ERBB4: variants seen among roughly 807,000 people sequenced by gnomAD.
ERBB4 encodes the protein receptor tyrosine-protein kinase erbB-4.
In ERBB4, 42 loss-of-function variants were observed where a neutral mutation model predicts 158.0. That is an observed-to-expected ratio of 0.27 (90% confidence interval 0.21 to 0.34). The LOEUF is 0.34. Ranked by LOEUF, ERBB4 falls within the 10% of genes least tolerant of loss-of-function variation. The pLI is 1.00. For synonymous variants in ERBB4, 583 were observed against 558.7 expected (o/e 1.04, Z -0.61); for missense variants, 1,333 against 1,624.1 (o/e 0.82, Z 3.08).
At chr2:212,344,470 G>GTA (rs916691987) in intron 1 of ERBB4, among the ~76,000 whole-genome samples, 1 of 129,362 alleles carries the variant, frequency 7.7e-6, no homozygotes, top group African/African-American at 3.3e-5. Flanking sequence ...ATATGTGTGT[G>GTA]TATATATGTG....
intron 3 of ERBB4, among the ~76,000 whole-genome samples, chr2:211,883,730 T>C (rs1214398331): frequency 6.6e-6 from 1 of 152,086 alleles, no homozygotes; most frequent in African/African-American, 2.4e-5. Context: ...AGGTGGAGGT[T>C]GTAGTGAGGC....
intron 1 of ERBB4, among the ~76,000 whole-genome samples, chr2:212,282,213 A>G (rs552979102): frequency 1.3e-4 from 20 of 151,972 alleles, no homozygotes; most frequent in African/African-American, 4.1e-4. Context: ...CACCACAGGG[A>G]TATGTATTTT....
chr2:211,586,324 AAGAAGT>A (rs2068276821), intron 19 of ERBB4, among the ~76,000 whole-genome samples: 1 of 152,190 alleles, frequency 6.6e-6, no homozygotes, highest in Non-Finnish European at 1.5e-5. Context: ...TATAGAACTT[AAGAAGT>A]GAAAGTCAAC....
chr2:212,113,496 C>A (rs568522593), intron 2 of ERBB4, among the ~76,000 whole-genome samples: 1 of 147,506 alleles, frequency 6.8e-6, no homozygotes, highest in African/African-American at 2.5e-5. Context: ...ATGGTGTGAA[C>A]CCGGGAGGCG....
chr2:212,382,283 TACACATGTATACATATTCATATTATAC>T (rs1471194810), intron 1 of ERBB4, among the ~76,000 whole-genome samples: 2 of 150,158 alleles, frequency 1.3e-5, no homozygotes, highest in African/African-American at 4.9e-5. Context: ...CATATATTCA[TACACATGTATACATATTCATATTATAC>T]ACACATGTAT....
intron 2 of ERBB4, among the ~76,000 whole-genome samples, chr2:211,964,956 A>G (rs749937442): frequency 3.9e-5 from 6 of 152,146 alleles, no homozygotes; most frequent in Admixed American, 1.3e-4. Context: ...ATAAAATTTA[A>G]TGTTATTATT....
rs541639803 is a variant in ERBB4, at chr2:211,948,785, C to A, written c.235-1169G>T. On this transcript the variant is annotated intron_variant, in intron 2 of 27. Transcript: ENST00000342788. ...CAAGGCTGTTTTTGGTACTTCCCCCCACCCTGTCTATTCTCACTCCCTTGG... is the reference window on the plus strand; with the variant it reads ...CAAGGCTGTTTTTGGTACTTCCCCCAACCCTGTCTATTCTCACTCCCTTGG... 3.3e-5 allele frequency among the ~76,000 whole-genome samples: 5 copies of A among 152,222 alleles called. No homozygotes were observed. The East Asian group carries it at 9.7e-4, about 30-fold the overall frequency.
chr2:211,480,709 G>C (rs74539339), intron 20 of ERBB4, among the ~76,000 whole-genome samples: 2 of 152,108 alleles, frequency 1.3e-5, no homozygotes, highest in African/African-American at 4.8e-5. Flanking sequence ...TATCTACCTG[G>C]TGAAATACTT....
intron 1 of ERBB4, among the ~76,000 whole-genome samples, chr2:212,396,653 T>C (rs920329190): frequency 5.9e-5 from 9 of 152,180 alleles, no homozygotes; most frequent in African/African-American, 1.9e-4. Flanking sequence ...TATTTTAATG[T>C]GGCAGATATT....
intron 2 of ERBB4, among the ~76,000 whole-genome samples, chr2:211,964,919 T>C (rs1198234397): frequency 1.3e-5 from 2 of 152,176 alleles, no homozygotes; most frequent in African/African-American, 4.8e-5. Flanking sequence ...GGTGGCACTG[T>C]GCTCACTGTT....
intron 1 of ERBB4, among the ~76,000 whole-genome samples, chr2:212,430,748 C>T (rs183066849): frequency 6.6e-6 from 1 of 152,160 alleles, no homozygotes; most frequent in African/African-American, 2.4e-5. Context: ...CATGAGACAG[C>T]TAAGTCATTG....
At chr2:211,702,434 C>T (rs973111288) in intron 11 of ERBB4, among the ~76,000 whole-genome samples, 4 of 152,098 alleles carry the variant, frequency 2.6e-5, no homozygotes, top group Admixed American at 1.3e-4. Context: ...GAAATATCTG[C>T]TCACTATCTT....
chr2:211,455,420 G>A (rs943310329), intron 20 of ERBB4, among the ~76,000 whole-genome samples: 9 of 152,154 alleles, frequency 5.9e-5, no homozygotes, highest in Non-Finnish European at 1.0e-4. Context: ...ACAGCTCTCT[G>A]AACAGTAGGT....
At chr2:211,675,498 G>A (rs946135802) in intron 13 of ERBB4, among the ~76,000 whole-genome samples, 4 of 151,928 alleles carry the variant, frequency 2.6e-5, no homozygotes, top group African/African-American at 9.7e-5. Context: ...CCTCTTTGAT[G>A]TTTCTGTGTT....
chr2:212,391,816 A>G (rs992458519), intron 1 of ERBB4, among the ~76,000 whole-genome samples: 5 of 141,652 alleles, frequency 3.5e-5, no homozygotes, highest in Admixed American at 7.1e-5. Context: ...GTGGGATTAT[A>G]TATAAAAGAA....
chr2:212,029,817 C>T (rs980599645), intron 2 of ERBB4, among the ~76,000 whole-genome samples: 1 of 152,116 alleles, frequency 6.6e-6, no homozygotes, highest in African/African-American at 2.4e-5. Flanking sequence ...AGGATAATAC[C>T]GAGTGTGTAA....
At position 212,320,138 on chromosome 2, in the gene ERBB4, G is replaced by A. The variant is rs1393394114; in HGVS notation, c.83-195235C>T. On this transcript the variant is annotated intron_variant, in intron 1 of 27. Transcript: ENST00000342788. ...TTACGGATTAGGGTTCCAGGTTTGC[G>A]GGATGGAAAAAGTCTGATATGTTCT... Among the ~76,000 whole-genome samples, 2 of 149,980 alleles carry A rather than the reference G, an allele frequency of 1.3e-5. 1 individual carries two copies. Among genetic ancestry groups the A allele is most frequent in the South Asian group, 4.3e-4 (2 of 4,666 alleles).
chr2:212,148,179 TG>T, intron 1 of ERBB4, among the ~76,000 whole-genome samples: 1 of 151,956 alleles, frequency 6.6e-6, no homozygotes, highest in Non-Finnish European at 1.5e-5. Context: ...AAAAGTACAA[TG>T]GCATAATTGG....
chr2:212,003,899 C>T (rs1879637), intron 2 of ERBB4, among the ~76,000 whole-genome samples: 96,780 of 151,880 alleles, frequency 0.64, 31,701 homozygotes, highest in East Asian at 0.93. Flanking sequence ...GTCCCCTCAA[C>T]GTATATGCAA....
Sources: allele counts gnomAD v4.1 joint callset (sites outside exome capture counted in the v4.1 genomes callset), GRCh38; gene constraint gnomAD v4.1.1; transcripts MANE v1.5; gene names NCBI Gene and HGNC (gene_info 2026-07-23, HGNC 2026-07-21).